TAFA2: variants seen among roughly 807,000 people sequenced by gnomAD.
TAFA2 encodes the protein TAFA chemokine like family member 2, also known as chemokine-like protein TAFA-2.
A neutral mutation model predicts 18.8 loss-of-function variants in TAFA2; 7 were observed. The observed-to-expected ratio is 0.37, with a 90% confidence interval of 0.21 to 0.70. TAFA2 has a LOEUF of 0.70. Among genes scored for constraint, TAFA2 ranks in the 30% least tolerant of loss-of-function variants. TAFA2 has a pLI of 0.53. For missense variants in TAFA2, 122 were observed against 158.1 expected (o/e 0.77, Z 1.23); for synonymous variants, 60 against 54.2 (o/e 1.11, Z -0.47).
intron 1 of TAFA2, among the ~76,000 whole-genome samples, chr12:61,941,159 T>C (rs889680873): frequency 8.5e-5 from 13 of 152,188 alleles, no homozygotes; most frequent in Non-Finnish European, 1.6e-4. Context: ...ACTAGATATA[T>C]TGTTACCATA....
chr12:62,204,181 T>C (rs991592229), intron 1 of TAFA2, among the ~76,000 whole-genome samples: 1 of 152,178 alleles, frequency 6.6e-6, no homozygotes, highest in African/African-American at 2.4e-5. Flanking sequence ...CTCTTCTGGC[T>C]TGTTGGGTTT....
chr12:62,219,085 G>T (rs1674181366), intron 1 of TAFA2, among the ~76,000 whole-genome samples: 1 of 151,922 alleles, frequency 6.6e-6, no homozygotes, highest in Non-Finnish European at 1.5e-5. Context: ...AGAAAATTTA[G>T]TGGGAAAACA....
chr12:61,940,880 T>C (rs1877975262), intron 1 of TAFA2, among the ~76,000 whole-genome samples: 1 of 151,982 alleles, frequency 6.6e-6, no homozygotes, highest in African/African-American at 2.4e-5. Context: ...AGGGAAACGG[T>C]AGTAATTTAT....
intron 1 of TAFA2, among the ~76,000 whole-genome samples, chr12:61,875,647 G>A (rs1395528610): frequency 6.6e-6 from 1 of 152,146 alleles, no homozygotes; most frequent in African/African-American, 2.4e-5. Context: ...TCATGATGAT[G>A]TTTGTAAAGG....
At chr12:62,010,555 TA>T (rs1444329087) in intron 1 of TAFA2, among the ~76,000 whole-genome samples, 2,741 of 152,292 alleles carry the variant, frequency 0.018, 66 homozygotes, top group African/African-American at 0.061. Context: ...GTGCTAAGAT[TA>T]CAGTCTCTGC....
chr12:61,755,685 A>G (rs1869230045), intron 2 of TAFA2, among the ~76,000 whole-genome samples: 1 of 152,098 alleles, frequency 6.6e-6, no homozygotes, highest in Non-Finnish European at 1.5e-5. Flanking sequence ...GATAATTCGT[A>G]TCTGGCAGCC....
intron 2 of TAFA2, among the ~76,000 whole-genome samples, chr12:61,796,987 T>C (rs1871213826): frequency 1.3e-5 from 2 of 152,174 alleles, no homozygotes; most frequent in African/African-American, 4.8e-5. Context: ...AAACAGCTGT[T>C]ACAAAACTCT....
chr12:61,753,621 C>T lies in TAFA2; in HGVS notation c.384+1G>A. 1.2e-6 allele frequency: 2 copies of T among 1,611,566 alleles called. No individual in the cohort carries two copies. The highest frequency in any genetic ancestry group is 1.7e-6 in the Non-Finnish European group (2 of 1,178,500). On this transcript the variant is annotated splice_donor_variant, in intron 4 of 4. Coordinates refer to ENST00000416284, the MANE Select transcript of TAFA2 (RefSeq NM_178539.5). LOFTEE classifies it high-confidence loss of function. The stretch of plus-strand genomic sequence containing the variant: ...TTTTCCCAAGCTTGCTGTCCACTTA[C>T]CCTAGTTGTTTTGACTTTATTCCCA...
intron 2 of TAFA2, among the ~76,000 whole-genome samples, chr12:61,788,143 A>G (rs1343863561): frequency 6.6e-6 from 1 of 151,716 alleles, no homozygotes; most frequent in Admixed American, 6.6e-5. Context: ...TCTATTCAGC[A>G]AGAGAATATA....
At chr12:61,895,667 A>C (rs187659119) in intron 1 of TAFA2, among the ~76,000 whole-genome samples, 158 of 152,284 alleles carry the variant, frequency 1.0e-3, no homozygotes, top group Middle Eastern at 0.01. Flanking sequence ...TGTAAATCAT[A>C]AACTGGGGCA....
intron 2 of TAFA2, among the ~76,000 whole-genome samples, chr12:61,774,634 TAAG>T (rs1483828954): frequency 6.6e-6 from 1 of 151,646 alleles, no homozygotes; most frequent in East Asian, 2.0e-4. Flanking sequence ...CACAAGGGCA[TAAG>T]AATGATAAAA....
At chr12:61,883,336 A>G (rs946375174) in intron 1 of TAFA2, among the ~76,000 whole-genome samples, 1 of 152,224 alleles carries the variant, frequency 6.6e-6, no homozygotes, top group African/African-American at 2.4e-5. Context: ...TTTACTACAC[A>G]TGTGTCATTG....
intron 4 of TAFA2, among the ~76,000 whole-genome samples, chr12:61,715,699 G>A (rs1454415274): frequency 1.3e-5 from 2 of 151,054 alleles, no homozygotes; most frequent in African/African-American, 4.9e-5. Flanking sequence ...CCTGAGGCCA[G>A]GAGTTTGAGA....
At chr12:61,791,586 A>T (rs1870982876) in intron 2 of TAFA2, among the ~76,000 whole-genome samples, 1 of 151,732 alleles carries the variant, frequency 6.6e-6, no homozygotes, top group Admixed American at 6.6e-5. Flanking sequence ...TTAAAAAATT[A>T]AAACATACAA....
chr12:62,007,264 A>T (rs1185532896), intron 1 of TAFA2, among the ~76,000 whole-genome samples: 1 of 152,244 alleles, frequency 6.6e-6, no homozygotes, highest in African/African-American at 2.4e-5. Flanking sequence ...CATTTAGGGC[A>T]TAAATGTTCC....
intron 4 of TAFA2, among the ~76,000 whole-genome samples, chr12:61,753,364 C>T (rs1169306843): frequency 6.6e-6 from 1 of 151,970 alleles, no homozygotes; most frequent in Non-Finnish European, 1.5e-5. Flanking sequence ...TCACATTACC[C>T]TCAGTATTTT....
At chr12:62,102,297 A>G (rs997736129) in intron 1 of TAFA2, among the ~76,000 whole-genome samples, 1 of 152,228 alleles carries the variant, frequency 6.6e-6, no homozygotes, top group African/African-American at 2.4e-5. Flanking sequence ...TTCTGGGTCC[A>G]TTAAAAAATC....
intron 4 of TAFA2, among the ~76,000 whole-genome samples, chr12:61,747,985 T>C (rs1253114087): frequency 6.6e-6 from 1 of 152,124 alleles, no homozygotes; most frequent in African/African-American, 2.4e-5. Flanking sequence ...AGTTTGTTTC[T>C]CTTCAAGTTA....
chr12:61,741,329 G>A (rs939635589), intron 4 of TAFA2, among the ~76,000 whole-genome samples: 14 of 151,504 alleles, frequency 9.2e-5, no homozygotes, highest in Non-Finnish European at 1.5e-4. Flanking sequence ...TCTTGCATGT[G>A]TGTGTATATA....
Sources: gnomAD v4.1 joint callset for allele counts (sites outside exome capture counted in the v4.1 genomes callset) on GRCh38, gnomAD v4.1.1 for gene constraint, MANE v1.5 for transcripts, NCBI Gene and HGNC (gene_info 2026-07-23, HGNC 2026-07-21) for gene names.